Variants in CDNF observed in about 807,000 individuals in gnomAD.
The protein encoded by CDNF is cerebral dopamine neurotrophic factor, also known as ARMET-like protein 1.
A neutral mutation model predicts 14.8 loss-of-function variants in CDNF; 9 were observed. The observed-to-expected ratio is 0.61, with a 90% CI of 0.37 to 1.06. CDNF has a LOEUF of 1.06. Among genes scored for constraint, CDNF ranks in the 50% least tolerant of loss-of-function variants. The pLI is 0.01. For missense variants in CDNF, 228 were observed against 228.4 expected (o/e 1.00, Z 0.01); for synonymous variants, 86 against 87.2 (o/e 0.99, Z 0.07).
intron 1 of CDNF, among the ~76,000 whole-genome samples, chr10:14,835,321 C>T (rs1833877658): frequency 6.6e-6 from 1 of 152,084 alleles, no homozygotes; most frequent in Non-Finnish European, 1.5e-5. Flanking sequence ...CTGGAAAATT[C>T]TAAGCCATGG....
intron 1 of CDNF, among the ~76,000 whole-genome samples, chr10:14,829,915 A>G (rs907302012): frequency 2.0e-5 from 3 of 152,086 alleles, no homozygotes; most frequent in African/African-American, 7.2e-5. Flanking sequence ...CAGCCACTGC[A>G]TCAGGCCCAG....
intron 1 of CDNF, among the ~76,000 whole-genome samples, chr10:14,830,210 TTTG>T (rs1354455934): frequency 2.0e-5 from 3 of 152,152 alleles, no homozygotes; most frequent in Admixed American, 2.0e-4. Context: ...TGAGGGACGT[TTTG>T]TTGTTATCAT....
chr10:14,834,547 T>C (rs1833870955), intron 1 of CDNF, among the ~76,000 whole-genome samples: 1 of 151,978 alleles, frequency 6.6e-6, no homozygotes, highest in Non-Finnish European at 1.5e-5. Context: ...GAATACTAAC[T>C]TGTCCTTTTC....
intron 3 of CDNF, among the ~76,000 whole-genome samples, chr10:14,823,151 A>G (rs1368904514): frequency 1.9e-4 from 29 of 152,268 alleles, no homozygotes; most frequent in Admixed American, 1.9e-3. Context: ...ATAATTAAGA[A>G]CTATTAGTCT....
chr10:14,836,900 G>T (rs372534646), intron 1 of CDNF, among the ~76,000 whole-genome samples: 1 of 152,058 alleles, frequency 6.6e-6, no homozygotes, highest in Admixed American at 6.6e-5. Flanking sequence ...ACTGTACTCC[G>T]GCCTGGGCAA....
In CDNF at chr10:14,819,809, G is replaced by A. The variant is rs1468201743; in HGVS notation, c.*171C>T. 2 of 632,542 alleles carry A rather than the reference G, an allele frequency of 3.2e-6. No homozygotes were observed. Among genetic ancestry groups the A allele is most frequent in the Non-Finnish European group, 5.4e-6 (2 of 368,520 alleles). The allele number at this position is 632,542 out of a possible 1,614,324, so 39.2% of individuals were successfully genotyped here. On this transcript the variant is annotated 3_prime_UTR_variant, in exon 4 of 4. Coordinates refer to ENST00000465530, the MANE Select transcript of CDNF (RefSeq NM_001029954.3). ...ACACTGCAAATGTAAGTTATCAGTA[G>A]TATTAGTTTCACTCATAAACCCACG...
chr10:14,826,491 G>GAAGAAGAAGAAA (rs1833797568), intron 2 of CDNF, among the ~76,000 whole-genome samples: 1 of 151,900 alleles, frequency 6.6e-6, no homozygotes, highest in African/African-American at 2.4e-5. Context: ...AAAAGAAGAA[G>GAAGAAGAAGAAA]AAGAAGAAGA....
At chr10:14,836,924 T>C (rs1833893395) in intron 1 of CDNF, among the ~76,000 whole-genome samples, 3 of 151,976 alleles carry the variant, frequency 2.0e-5, no homozygotes, top group Admixed American at 2.0e-4. Flanking sequence ...AGTGAGACTG[T>C]CTCAAAACAA....
At chr10:14,829,724 G>A (rs1833828852) in intron 1 of CDNF, among the ~76,000 whole-genome samples, 2 of 152,054 alleles carry the variant, frequency 1.3e-5, no homozygotes, top group Admixed American at 1.3e-4. Context: ...CTGCCTCCCT[G>A]GCTCAAGTGA....
intron 1 of CDNF, chr10:14,834,236 G>A (rs1184924491): frequency 6.6e-6 from 1 of 152,104 alleles, no homozygotes; most frequent in Admixed American, 6.5e-5. Context: ...AGCTACTCAG[G>A]AGGCTGAGGA....
rs759836144 is a variant in CDNF at position 14,825,510 on chromosome 10, CT to C, written c.353del (p.Lys118SerfsTer9). 30 of 1,614,020 alleles carry C rather than the reference CT, an allele frequency of 1.9e-5. No homozygotes were observed. The Admixed American group carries it at 2.8e-4, about 15-fold the overall frequency. Reference protein sequence around the residue: ...PAMKICEKLKKLDSQICELKY... With the variant: ...PAMKICEKLKXLDSQICELKY... Reference sequence around the variant, plus strand: ...TCAGCTCACAGATCTGGCTATCCAACTTCTTCAGCTTCTCACAAATCTTCAT... The same window carrying C: ...TCAGCTCACAGATCTGGCTATCCAACTCTTCAGCTTCTCACAAATCTTCAT... On this transcript the variant is annotated frameshift_variant, in exon 3 of 4. Coordinates refer to ENST00000465530, the MANE Select transcript of CDNF (RefSeq NM_001029954.3). LOFTEE classifies it high-confidence loss of function.
chr10:14,826,040 G>GAAGAAA (rs1564313309), intron 2 of CDNF, among the ~76,000 whole-genome samples: 4 of 96,050 alleles, frequency 4.2e-5, no homozygotes, highest in Non-Finnish European at 8.6e-5. Context: ...AGAAGAAGAA[G>GAAGAAA]AAGAAGAAGA....
intron 1 of CDNF, among the ~76,000 whole-genome samples, chr10:14,835,901 A>G (rs1295270522): frequency 1.3e-5 from 2 of 152,238 alleles, no homozygotes; most frequent in Non-Finnish European, 2.9e-5. Context: ...AGAGCAGCCA[A>G]TAGCCAATTC....
At position 14,819,947 on chromosome 10, in the gene CDNF, A is replaced by C; in HGVS notation, c.*33T>G. On this transcript the variant is annotated 3_prime_UTR_variant, in exon 4 of 4. Transcript: ENST00000465530. ...ATCCTAGAGAGTCACTTTTCTCTCT[A>C]ATTACAAGTCACAAATGTGCTGGCA... The C allele has an allele frequency of 6.3e-7, 1 of 1,596,662 alleles. No individual in the cohort carries two copies. Among genetic ancestry groups the C allele is most frequent in the Non-Finnish European group, 8.5e-7 (1 of 1,170,384 alleles).
intron 3 of CDNF, among the ~76,000 whole-genome samples, chr10:14,822,567 C>T (rs1416113976): frequency 1.3e-5 from 2 of 150,280 alleles, no homozygotes; most frequent in African/African-American, 4.9e-5. Flanking sequence ...CAGAGTGAGA[C>T]TGTCAAAAAA....
intron 1 of CDNF, among the ~76,000 whole-genome samples, 167 bp downstream of exon 1, chr10:14,837,665 T>C (rs1833904480): frequency 6.6e-6 from 1 of 152,260 alleles, no homozygotes; most frequent in Non-Finnish European, 1.5e-5. Flanking sequence ...CAGGCCCGGC[T>C]TGAGCTTTTT....
intron 1 of CDNF, among the ~76,000 whole-genome samples, chr10:14,835,475 G>A (rs1165184132): frequency 6.6e-6 from 1 of 152,078 alleles, no homozygotes; most frequent in African/African-American, 2.4e-5. Context: ...AAGAAGTCAA[G>A]GTAAGAAAGG....
rs373599916 is a variant in CDNF, at chr10:14,837,907, C to T, written c.40G>A (p.Ala14Thr). The change falls in exon 1 of 4, where the codon GCC becomes ACC. Residue 14 changes from alanine (A) to threonine (T), a missense_variant. Ala to Thr is a moderately conservative substitution (Grantham distance 58). Coordinates refer to ENST00000465530, the MANE Select transcript of CDNF (RefSeq NM_001029954.3). ...ACCGGGTGAGAGACCAAAAGCCCGG[C>T]GCAAAAGGCCACCACAGCAACTGGG... The part of the protein sequence containing the change: ...ASPVAVVAFC[A>T]GLLVSHPVLT... The T allele has an allele frequency of 6.2e-7, 1 of 1,606,910 alleles. No homozygotes were observed. Among genetic ancestry groups the T allele is most frequent in the African/African-American group, 1.3e-5 (1 of 74,868 alleles).
Position 14,828,203 on chromosome 10 carries a change from G to T in CDNF, c.185C>A (p.Thr62Asn). 6.2e-7 allele frequency: 1 copy of T among 1,613,378 alleles called. No homozygotes were observed. Among genetic ancestry groups the T allele is most frequent in the East Asian group, 2.2e-5 (1 of 44,872 alleles). ...IDRGVNFSLD[T>N]IEKELISFCL... ...AAAACTGATCAATTCTTTCTCTATAGTGTCCAGCGAAAAGTTAACTCCTCT... is the reference window on the plus strand; with the variant it reads ...AAAACTGATCAATTCTTTCTCTATATTGTCCAGCGAAAAGTTAACTCCTCT... Residue 62 changes from threonine to asparagine, a missense_variant, in exon 2 of 4, where the codon ACT becomes AAT. Coordinates refer to ENST00000465530, the MANE Select transcript of CDNF (RefSeq NM_001029954.3).
Sources: gnomAD v4.1 joint callset for allele counts (sites outside exome capture counted in the v4.1 genomes callset) on GRCh38, gnomAD v4.1.1 for gene constraint, MANE v1.5 for transcripts, NCBI Gene and HGNC (gene_info 2026-07-23, HGNC 2026-07-21) for gene names.